Variants in SLC10A6 observed in about 807,000 individuals in gnomAD.
The protein encoded by SLC10A6 is sodium-dependent organic anion transporter.
Under a neutral mutation model 30.0 loss-of-function variants are expected in SLC10A6, and 27 were observed. The observed-to-expected ratio is 0.90, with a 90% confidence interval of 0.66 to 1.24. The LOEUF is 1.24. Among genes scored for constraint, SLC10A6 ranks in the 50% most tolerant of loss-of-function variants. The pLI is 0.00. For missense variants in SLC10A6, 439 were observed against 457.0 expected (o/e 0.96, Z 0.36); for synonymous variants, 166 against 173.8 (o/e 0.95, Z 0.36).
chr4:86,829,430 A>C (rs978603018), intron 3 of SLC10A6, among the ~76,000 whole-genome samples: 1 of 152,176 alleles, frequency 6.6e-6, no homozygotes, highest in African/African-American at 2.4e-5. Context: ...TGAAAGAAAG[A>C]AAGCCTCTGA....
At chr4:86,837,676 C>A (rs1485935645) in intron 1 of SLC10A6, 1 of 964,330 alleles carries the variant, frequency 1.0e-6, no homozygotes, top group Non-Finnish European at 1.2e-6. Context: ...AGTGATAGAA[C>A]CAGTGAAAGA....
chr4:86,848,532 C>A (rs1229614755), intron 1 of SLC10A6, among the ~76,000 whole-genome samples: 1 of 152,176 alleles, frequency 6.6e-6, no homozygotes, highest in African/African-American at 2.4e-5. Flanking sequence ...AGAACAGTAG[C>A]CAATAAAGAA....
chr4:86,839,848 C>T (rs1746260704), intron 1 of SLC10A6, among the ~76,000 whole-genome samples: 1 of 151,948 alleles, frequency 6.6e-6, no homozygotes, highest in African/African-American at 2.4e-5. Context: ...GTGATCAGTC[C>T]CTTCTAATTG....
intron 4 of SLC10A6, 103 bp downstream of exon 4, chr4:86,827,890 A>C: frequency 9.3e-7 from 1 of 1,075,692 alleles, no homozygotes; most frequent in Non-Finnish European, 1.3e-6. Flanking sequence ...CCACTATGTA[A>C]GTCAAAACTC....
chr4:86,830,080 C>A (rs1746054066), intron 3 of SLC10A6, among the ~76,000 whole-genome samples: 1 of 152,172 alleles, frequency 6.6e-6, no homozygotes, highest in Admixed American at 6.5e-5. Context: ...GAAATTTTCT[C>A]CTACTGAAAT....
chr4:86,837,272 AAAGAAAGAAAGAAAAAGAAAGG>A (rs1746207158), intron 1 of SLC10A6, among the ~76,000 whole-genome samples: 12 of 111,048 alleles, frequency 1.1e-4, no homozygotes, highest in Admixed American at 5.2e-4. Flanking sequence ...AGAAAGAAAG[AAAGAAAGAAAGAAAAAGAAAGG>A]AAGGAAGGAA....
intron 1 of SLC10A6, among the ~76,000 whole-genome samples, chr4:86,839,862 T>C (rs1320558823): frequency 6.6e-6 from 1 of 152,062 alleles, no homozygotes; most frequent in Non-Finnish European, 1.5e-5. Flanking sequence ...CTAATTGTCA[T>C]GCCAGCATTG....
chr4:86,849,168 G>A lies in SLC10A6; in HGVS notation c.-53C>T, dbSNP rs960220811. On this transcript the variant is annotated 5_prime_UTR_variant, in exon 1 of 6. Transcript: ENST00000273905. ...AAATGAACATCGGCAACAATGGCTG[G>A]GCAGGTCTATCCTGCCACATTTTGT... The A allele has an allele frequency of 1.1e-5, 17 of 1,559,802 alleles. No homozygotes were observed. Among genetic ancestry groups the A allele is most frequent in the Admixed American group, 3.7e-5 (2 of 54,350 alleles).
At chr4:86,847,891 C>T (rs1338852752) in intron 1 of SLC10A6, among the ~76,000 whole-genome samples, 1 of 152,190 alleles carries the variant, frequency 6.6e-6, no homozygotes, top group African/African-American at 2.4e-5. Flanking sequence ...CAAAGAGTCT[C>T]GAGAGACCAT....
At chr4:86,824,026 G>C (rs577313848) in intron 5 of SLC10A6, 124 bp from the exon 6 acceptor site, 2 of 774,716 alleles carry the variant, frequency 2.6e-6, no homozygotes, top group Admixed American at 3.1e-5. Flanking sequence ...TAAACACCCA[G>C]GGAAAAGAAG....
chr4:86,831,248 T>C (rs1407625170), intron 3 of SLC10A6, among the ~76,000 whole-genome samples: 1 of 152,228 alleles, frequency 6.6e-6, no homozygotes, highest in Non-Finnish European at 1.5e-5. Context: ...GTCACCATCA[T>C]TCCATAGCTA....
In SLC10A6 at chr4:86,837,280, A is replaced by AG. The variant is rs1560460338; in HGVS notation, c.378-3857_378-3856insC. ...GAAAGAAAGAAAGAAAGAAAGAAAGAAAGAAAAAGAAAGGAAGGAAGGAAG... is the reference window on the plus strand; with the variant it reads ...GAAAGAAAGAAAGAAAGAAAGAAAGAGAAGAAAAAGAAAGGAAGGAAGGAAG... On this transcript the variant is annotated intron_variant, in intron 1 of 5. Coordinates refer to ENST00000273905, the MANE Select transcript of SLC10A6 (RefSeq NM_197965.3). 6.2e-4 allele frequency among the ~76,000 whole-genome samples: 66 copies of AG among 106,656 alleles called. 1 individual carries two copies. The highest frequency in any genetic ancestry group is 2.2e-3 in the African/African-American group (61 of 27,706). The allele number at this position is 106,656 out of a possible 152,430, so 70.0% of individuals were successfully genotyped here.
chr4:86,829,459 C>G (rs1434879907), intron 3 of SLC10A6, among the ~76,000 whole-genome samples: 2 of 151,984 alleles, frequency 1.3e-5, no homozygotes, highest in Non-Finnish European at 2.9e-5. Flanking sequence ...TCCCCTCTTC[C>G]TCTCTCTACC....
In SLC10A6 at chr4:86,825,563, GA is replaced by G. The variant is rs1745966788; in HGVS notation, c.775del (p.Ser259ProfsTer2). 1.2e-6 allele frequency: 2 copies of G among 1,600,792 alleles called. No individual in the cohort carries two copies. The highest frequency in any genetic ancestry group is 1.7e-5 in the Admixed American group (1 of 59,856). ...AATATTCTGAGCTCCAGTTTCTAAG[GA>G]AATTGTCCTGCACCTACCAAAAAGA... Reference protein sequence around the residue: ...HQSWQRCRTISLETGAQNIQM... With the variant: ...HQSWQRCRTIXLETGAQNIQM... On this transcript the variant is annotated frameshift_variant, in exon 5 of 6. Coordinates refer to ENST00000273905, the MANE Select transcript of SLC10A6 (RefSeq NM_197965.3). LOFTEE classifies it high-confidence loss of function.
chr4:86,833,349 G>C lies in SLC10A6; in HGVS notation c.453C>G (p.Ser151=), dbSNP rs201856427. Residue 151 remains serine (S), a synonymous_variant, in exon 2 of 6, where the codon TCC becomes TCG. Coordinates refer to ENST00000273905, the MANE Select transcript of SLC10A6 (RefSeq NM_197965.3). ...TGGTGAGATTCTGCTGAAGACTCCA[G>C]GACCAGGTGTAGAGATAAATGCAGA... ...MPLCIYLYTW[S]WSLQQNLTIP... 8 of 1,614,092 alleles carry C rather than the reference G, an allele frequency of 5.0e-6. No individual in the cohort carries two copies. Among genetic ancestry groups the C allele is most frequent in the African/African-American group, 1.3e-5 (1 of 75,038 alleles).
chr4:86,831,943 A>G (rs983045404), intron 2 of SLC10A6, 63 bp from the exon 3 acceptor site: 4 of 1,298,856 alleles, frequency 3.1e-6, no homozygotes, highest in Admixed American at 1.9e-5. Flanking sequence ...AGTACTTCCC[A>G]ACAACTTCTA....
chr4:86,831,429 G>C (rs1030537305), intron 3 of SLC10A6, among the ~76,000 whole-genome samples: 15 of 152,172 alleles, frequency 9.9e-5, no homozygotes, highest in Non-Finnish European at 1.5e-5. Context: ...TAAACACTGG[G>C]GTTCCCTTTC....
At chr4:86,838,597 T>G (rs1376446918) in intron 1 of SLC10A6, among the ~76,000 whole-genome samples, 1 of 152,040 alleles carries the variant, frequency 6.6e-6, no homozygotes, top group African/African-American at 2.4e-5. Context: ...AACAGCCCCA[T>G]AGCAATCCAG....
intron 1 of SLC10A6, among the ~76,000 whole-genome samples, chr4:86,842,155 C>T (rs1466130555): frequency 6.6e-6 from 1 of 152,184 alleles, no homozygotes; most frequent in African/African-American, 2.4e-5. Flanking sequence ...GCCTTAAATG[C>T]AAAGGACCTT....
Sources: gnomAD v4.1 joint callset for allele counts (sites outside exome capture counted in the v4.1 genomes callset) on GRCh38, gnomAD v4.1.1 for gene constraint, MANE v1.5 for transcripts, NCBI Gene and HGNC (gene_info 2026-07-23, HGNC 2026-07-21) for gene names.